Variants in JAKMIP1 observed in about 807,000 individuals in gnomAD.
The protein encoded by JAKMIP1 is janus kinase and microtubule interacting protein 1, also known as janus kinase and microtubule-interacting protein 1.
A neutral mutation model predicts 113.0 loss-of-function variants in JAKMIP1; 33 were observed. The observed-to-expected ratio is 0.29, with a 90% CI of 0.22 to 0.39. The LOEUF is 0.39. JAKMIP1 is among the 10% of genes least tolerant of loss of function. The pLI is 1.00. For missense variants in JAKMIP1, 813 were observed against 1,080.5 expected (o/e 0.75, Z 3.47); for synonymous variants, 480 against 459.9 (o/e 1.04, Z -0.56).
chr4:6,137,692 A>T lies in JAKMIP1; in HGVS notation c.-147-24695T>A, dbSNP rs545288981. ...AAGAGCCACAAACCATATCTCTGAG[A>T]CTCCCTTGGAGCTAGGGCTCTGCAC... On this transcript the variant is annotated intron_variant, in intron 1 of 20. Coordinates refer to ENST00000409021, the MANE Select transcript of JAKMIP1 (RefSeq NM_001099433.2). This position sits in a 1 kb window ranked among gnomAD's most constrained non-coding sequence, Gnocchi z 4.5. 2.4e-4 allele frequency among the ~76,000 whole-genome samples: 36 copies of T among 152,202 alleles called. No homozygotes were observed. In the South Asian group the frequency reaches 7.3e-3, roughly 31 times the overall value.
At position 6,137,919 on chromosome 4, in the gene JAKMIP1, C is replaced by G. The variant is rs929784258; in HGVS notation, c.-147-24922G>C. 6.6e-6 allele frequency among the ~76,000 whole-genome samples: 1 copy of G among 152,038 alleles called. No individual in the cohort carries two copies. Among genetic ancestry groups the G allele is most frequent in the Admixed American group, 6.6e-5 (1 of 15,262 alleles). ...ATGGGCCTGGCAGACAAGGTGTGCT[C>G]TGGCGTTGGGGGTCCCACCATGGCC... On this transcript the variant is annotated intron_variant, in intron 1 of 20. Transcript: ENST00000409021. This position sits in a 1 kb window ranked among gnomAD's most constrained non-coding sequence, Gnocchi z 4.5.
chr4:6,137,024 C>A lies in JAKMIP1; in HGVS notation c.-147-24027G>T, dbSNP rs1719342141. 1.3e-5 allele frequency among the ~76,000 whole-genome samples: 2 copies of A among 152,204 alleles called. No homozygotes were observed. Among genetic ancestry groups the A allele is most frequent in the Admixed American group, 6.5e-5 (1 of 15,286 alleles). Reference sequence around the variant, plus strand: ...CCTGGGACTCTGCAGCCTATTCCCTCCAGTCCTCCTCTGCACCAGTAATCA... The same window carrying A: ...CCTGGGACTCTGCAGCCTATTCCCTACAGTCCTCCTCTGCACCAGTAATCA... On this transcript the variant is annotated intron_variant, in intron 1 of 20. Transcript: ENST00000409021. The surrounding 1 kb of genome is among the most constrained non-coding windows in gnomAD (Gnocchi z 4.5).
At position 6,061,770 on chromosome 4, in the gene JAKMIP1, C is replaced by T. The variant is rs1488374704; in HGVS notation, c.1560+542G>A. Among the ~76,000 whole-genome samples, 1 of 152,180 alleles carries T rather than the reference C, an allele frequency of 6.6e-6. No individual in the cohort carries two copies. Among genetic ancestry groups the T allele is most frequent in the Admixed American group, 6.5e-5 (1 of 15,272 alleles). ...ACTCCCAGGAGGAAGCGAGAGCAGG[C>T]CCCAGTCTATGTGACTCCCGAAGGT... On this transcript the variant is annotated intron_variant, in intron 10 of 20. Coordinates refer to ENST00000409021, the MANE Select transcript of JAKMIP1 (RefSeq NM_001099433.2). The surrounding 1 kb of genome is among the most constrained non-coding windows in gnomAD (Gnocchi z 5.3).
At chr4:6,039,775 G>T (rs1488049691) in intron 18 of JAKMIP1, among the ~76,000 whole-genome samples, 2 of 152,174 alleles carry the variant, frequency 1.3e-5, no homozygotes, top group Non-Finnish European at 2.9e-5. Context: ...CGGCCTTCAT[G>T]TCTAAATCTC....
chr4:6,180,794 G>T lies in JAKMIP1; in HGVS notation c.-148+19459C>A, dbSNP rs1221681270. Among the ~76,000 whole-genome samples, 3 of 152,166 alleles carry T rather than the reference G, an allele frequency of 2.0e-5. No individual in the cohort carries two copies. Among genetic ancestry groups the T allele is most frequent in the Non-Finnish European group, 4.4e-5 (3 of 68,032 alleles). On this transcript the variant is annotated intron_variant, in intron 1 of 20. Transcript: ENST00000409021. This position sits in a 1 kb window ranked among gnomAD's most constrained non-coding sequence, Gnocchi z 4.5. The stretch of plus-strand genomic sequence containing the variant: ...ATTTAATTTTCTGTCAACGTGCTTT[G>T]TTCTCAGAGGGCCATGGCACATTGA...
At chr4:6,144,119 TA>T (rs899244977) in intron 1 of JAKMIP1, among the ~76,000 whole-genome samples, 5 of 151,380 alleles carry the variant, frequency 3.3e-5, no homozygotes, top group South Asian at 2.1e-4. Flanking sequence ...TCCTGTATGT[TA>T]AAAAAAAAGT....
At chr4:6,104,468 C>T (rs576766096) in intron 3 of JAKMIP1, among the ~76,000 whole-genome samples, 2 of 152,350 alleles carry the variant, frequency 1.3e-5, no homozygotes, top group African/African-American at 4.8e-5. Flanking sequence ...GAGCCTTTGA[C>T]ATTAATACAG....
chr4:6,093,513 G>A lies in JAKMIP1; in HGVS notation c.625-7884C>T, dbSNP rs529094927. ...ATTAACATGCAGCAATTAGCAGCGA[G>A]TCCAGATCATGTGCTGCTTCCAAGG... is the stretch of plus-strand genomic sequence containing the variant. On this transcript the variant is annotated intron_variant, in intron 3 of 20. Coordinates refer to ENST00000409021, the MANE Select transcript of JAKMIP1 (RefSeq NM_001099433.2). The surrounding 1 kb of genome is among the most constrained non-coding windows in gnomAD (Gnocchi z 4.6). 6.6e-6 allele frequency among the ~76,000 whole-genome samples: 1 copy of A among 152,270 alleles called. No homozygotes were observed. The highest frequency in any genetic ancestry group is 2.4e-5 in the African/African-American group (1 of 41,562).
rs1238462888 is a variant in JAKMIP1 at position 6,089,038 on chromosome 4, G to C, written c.625-3409C>G. The stretch of plus-strand genomic sequence containing the variant: ...CAATCAGAACCAATGGCCAGAAGTA[G>C]GCAGCACCAGGATCCTCCTGTTTTT... On this transcript the variant is annotated intron_variant, in intron 3 of 20. Coordinates refer to ENST00000409021, the MANE Select transcript of JAKMIP1 (RefSeq NM_001099433.2). This position sits in a 1 kb window ranked among gnomAD's most constrained non-coding sequence, Gnocchi z 5.3. Among the ~76,000 whole-genome samples, 1 of 152,218 alleles carries C rather than the reference G, an allele frequency of 6.6e-6. No individual in the cohort carries two copies. The highest frequency in any genetic ancestry group is 2.4e-5 in the African/African-American group (1 of 41,462).
chr4:6,105,407 A>T, intron 3 of JAKMIP1, 66 bp downstream of exon 3: 2 of 1,453,556 alleles, frequency 1.4e-6, no homozygotes, highest in Non-Finnish European at 1.8e-6. Context: ...GGAGCTCCGC[A>T]TTTCCCCCAT....
chr4:6,084,967 T>TG lies in JAKMIP1; in HGVS notation c.835-3_835-2insC. The TG allele has an allele frequency of 2.6e-6, 1 of 377,786 alleles. No homozygotes were observed. Among genetic ancestry groups the TG allele is most frequent in the African/African-American group, 5.6e-5 (1 of 17,796 alleles). The allele number at this position is 377,786 out of a possible 1,614,324, so 23.4% of individuals were successfully genotyped here. On this transcript the variant is annotated splice_region_variant and splice_polypyrimidine_tract_variant and intron_variant, in intron 4 of 20. Coordinates refer to ENST00000409021, the MANE Select transcript of JAKMIP1 (RefSeq NM_001099433.2). The stretch of plus-strand genomic sequence containing the variant: ...ATCTCGCTCGTCCATATGTTGATCC[T>TG]AAAAAAAAAAAAAAAAAAAAAAAAA...
chr4:6,035,080 C>T (rs540838334), intron 19 of JAKMIP1, among the ~76,000 whole-genome samples: 4 of 152,238 alleles, frequency 2.6e-5, no homozygotes, highest in South Asian at 4.2e-4. Flanking sequence ...TCTACAGTTG[C>T]GTGAGGCAGT....
rs982379875 is a variant in JAKMIP1 at position 6,139,947 on chromosome 4, G to A, written c.-147-26950C>T. Among the ~76,000 whole-genome samples, 4 of 152,110 alleles carry A rather than the reference G, an allele frequency of 2.6e-5. No homozygotes were observed. The highest frequency in any genetic ancestry group is 9.7e-5 in the African/African-American group (4 of 41,376). ...GAAGCCAGGGGAGAGGCCTGGGGCA[G>A]AGTCCCCTCGCAGCCTCAGATGGGG... On this transcript the variant is annotated intron_variant, in intron 1 of 20. Transcript: ENST00000409021. This position sits in a 1 kb window ranked among gnomAD's most constrained non-coding sequence, Gnocchi z 5.2.
rs538249111 is a variant in JAKMIP1 at position 6,153,472 on chromosome 4, A to G, written c.-147-40475T>C. Among the ~76,000 whole-genome samples, 1 of 152,214 alleles carries G rather than the reference A, an allele frequency of 6.6e-6. No individual in the cohort carries two copies. Among genetic ancestry groups the G allele is most frequent in the Non-Finnish European group, 1.5e-5 (1 of 68,036 alleles). Reference sequence around the variant, plus strand: ...GCACTGGAGCCAACGGTGTTTCCCAAACCTCAGTCATCAGTTGCCGCCGCT... The same window carrying G: ...GCACTGGAGCCAACGGTGTTTCCCAGACCTCAGTCATCAGTTGCCGCCGCT... On this transcript the variant is annotated intron_variant, in intron 1 of 20. Transcript: ENST00000409021. This position sits in a 1 kb window ranked among gnomAD's most constrained non-coding sequence, Gnocchi z 4.9.
chr4:6,166,735 T>C (rs1723686851), intron 1 of JAKMIP1, among the ~76,000 whole-genome samples: 1 of 152,202 alleles, frequency 6.6e-6, no homozygotes, highest in African/African-American at 2.4e-5. Flanking sequence ...AAACGACAGG[T>C]GAGGTCTGTG....
rs1578390797 is a variant in JAKMIP1 at position 6,150,178 on chromosome 4, T to C, written c.-147-37181A>G. 1 of 151,420 alleles carries C rather than the reference T, an allele frequency of 6.6e-6. No individual in the cohort carries two copies. Among genetic ancestry groups the C allele is most frequent in the Non-Finnish European group, 1.5e-5 (1 of 68,092 alleles). The allele number at this position is 151,420 out of a possible 1,614,324, so 9.4% of individuals were successfully genotyped here. A position where few individuals can be genotyped will look rare whatever the true frequency, so the allele number is the denominator to read the frequency against. ...CCACAGCACAGAACATTCTCCTCCA[T>C]CAGAGAGAGAGAGAGAGAGAAGAAA... On this transcript the variant is annotated intron_variant, in intron 1 of 20. Transcript: ENST00000409021. The surrounding 1 kb of genome is among the most constrained non-coding windows in gnomAD (Gnocchi z 4.8).
At chr4:6,198,449 G>A (rs1327111589) in intron 1 of JAKMIP1, among the ~76,000 whole-genome samples, 1 of 152,172 alleles carries the variant, frequency 6.6e-6, no homozygotes, top group African/African-American at 2.4e-5. Context: ...CAGGATGTGA[G>A]GAACTGGTGA....
In JAKMIP1 at chr4:6,059,892, C is replaced by G. The variant is rs1196035614; in HGVS notation, c.1644+532G>C. Among the ~76,000 whole-genome samples the G allele has an allele frequency of 6.6e-6, 1 of 151,956 alleles. No individual in the cohort carries two copies. The highest frequency in any genetic ancestry group is 1.9e-4 in the East Asian group (1 of 5,166). ...CCACTCCAGGGGACAGGTCTAGGCC[C>G]AGGCATTGCTTTTCTGCTGTGTCTC... On this transcript the variant is annotated intron_variant, in intron 11 of 20. Coordinates refer to ENST00000409021, the MANE Select transcript of JAKMIP1 (RefSeq NM_001099433.2). The surrounding 1 kb of genome is among the most constrained non-coding windows in gnomAD (Gnocchi z 4.8).
intron 1 of JAKMIP1, among the ~76,000 whole-genome samples, chr4:6,144,649 C>T (rs569507756): frequency 1.3e-5 from 2 of 152,156 alleles, no homozygotes; most frequent in South Asian, 4.1e-4. Flanking sequence ...TAAATAGGTA[C>T]AAAAAAGACA....
Sources: allele counts gnomAD v4.1 joint callset (sites outside exome capture counted in the v4.1 genomes callset), GRCh38; gene constraint gnomAD v4.1.1; non-coding constraint Gnocchi (gnomAD v3.1); transcripts MANE v1.5; gene names NCBI Gene and HGNC (gene_info 2026-07-23, HGNC 2026-07-21).